The following PGAP1 variants were observed in gnomAD, a reference collection of about 807,000 sequenced individuals.
PGAP1 encodes post-GPI attachment to proteins inositol deacylase 1, also known as GPI inositol-deacylase.
In PGAP1, 76 loss-of-function variants were observed where a neutral mutation model predicts 127.0. That is an observed-to-expected ratio of 0.60 (90% CI 0.50 to 0.72). The LOEUF (loss-of-function observed/expected upper bound fraction) is 0.72, where lower values mean the gene tolerates loss of function less well. PGAP1 is among the 30% of genes least tolerant of loss of function. The probability of loss-of-function intolerance (pLI) is 0.00; values close to 1 mark genes in which losing one functional copy is unlikely to be tolerated. For missense variants in PGAP1, 982 were observed against 1,071.3 expected, an observed-to-expected ratio of 0.92 and a Z score of 1.16; for synonymous variants, 362 against 366.5, an observed-to-expected ratio of 0.99 and a Z score of 0.14.
At chr2:196,923,445 A>G (rs930720587) in intron 1 of PGAP1, among the ~76,000 whole-genome samples, 1 of 152,136 alleles carries the variant, frequency 6.6e-6, no homozygotes, top group Non-Finnish European at 1.5e-5. Context: ...TGAAATTATA[A>G]AACTCAGTAC....
chr2:196,898,074 C>A (rs1367997196), intron 6 of PGAP1, among the ~76,000 whole-genome samples: 1 of 151,994 alleles, frequency 6.6e-6, no homozygotes, highest in Non-Finnish European at 1.5e-5. Context: ...AAAAATTAGC[C>A]GGCATGATGG....
rs936980864 is a variant in PGAP1 at position 196,840,303 on chromosome 2, GT to G, written c.*930del. The stretch of plus-strand genomic sequence containing the variant: ...TTACCTTGATCATGTTGTTGTTGTT[GT>G]TTTTTCCCACAGCAGAAAAAATGGT... On this transcript the variant is annotated 3_prime_UTR_variant, in exon 27 of 27. Coordinates refer to ENST00000354764, the MANE Select transcript of PGAP1 (RefSeq NM_024989.4). The G allele has an allele frequency of 6.6e-6, 1 of 151,972 alleles. No individual in the cohort carries two copies. Among genetic ancestry groups the G allele is most frequent in the African/African-American group, 2.4e-5 (1 of 41,380 alleles). 9.4% of individuals were successfully genotyped at this position (151,972 alleles called of 1,614,324 possible).
chr2:196,858,656 T>C (rs1273924953), intron 20 of PGAP1, among the ~76,000 whole-genome samples: 4 of 150,934 alleles, frequency 2.7e-5, no homozygotes, highest in Non-Finnish European at 4.4e-5. Context: ...CCAAAATTAG[T>C]AGAAGGAATA....
intron 20 of PGAP1, among the ~76,000 whole-genome samples, chr2:196,849,875 C>A (rs753171952): frequency 6.6e-6 from 1 of 152,152 alleles, no homozygotes; most frequent in Non-Finnish European, 1.5e-5. Context: ...CTGCTATACT[C>A]CAGGGAAGGT....
At chr2:196,924,233 G>A (rs888181428) in intron 1 of PGAP1, among the ~76,000 whole-genome samples, 2 of 151,984 alleles carry the variant, frequency 1.3e-5, no homozygotes, top group Non-Finnish European at 1.5e-5. Flanking sequence ...TAAAGAAGAT[G>A]CAAATGAGCA....
At chr2:196,905,771 A>G (rs1224343979) in intron 4 of PGAP1, among the ~76,000 whole-genome samples, 1 of 144,594 alleles carries the variant, frequency 6.9e-6, no homozygotes, top group Non-Finnish European at 1.5e-5. Flanking sequence ...AAGCAGGGCG[A>G]GGCATTGCCT....
At chr2:196,876,287 A>G (rs1701567375) in intron 13 of PGAP1, among the ~76,000 whole-genome samples, 1 of 152,134 alleles carries the variant, frequency 6.6e-6, no homozygotes, top group African/African-American at 2.4e-5. Flanking sequence ...TAATTAGACT[A>G]TAAAAGCCTG....
intron 1 of PGAP1, among the ~76,000 whole-genome samples, chr2:196,925,697 A>G (rs1006931769): frequency 1.8e-4 from 28 of 152,140 alleles, no homozygotes; most frequent in African/African-American, 6.5e-4. Context: ...CAGCGAGAAA[A>G]CAAAAATAGC....
At chr2:196,897,275 GT>G in intron 6 of PGAP1, 78 bp from the exon 7 acceptor site, 1 of 836,896 alleles carries the variant, frequency 1.2e-6, no homozygotes, top group Non-Finnish European at 1.8e-6. Context: ...CAATTCTATT[GT>G]TTAGTGGAAC....
At chr2:196,880,941 T>A (rs1348867092) in intron 12 of PGAP1, among the ~76,000 whole-genome samples, 1 of 152,156 alleles carries the variant, frequency 6.6e-6, no homozygotes, top group Non-Finnish European at 1.5e-5. Flanking sequence ...TCATGGGGGT[T>A]TGTTGTACAG....
In PGAP1 at chr2:196,916,605, A is replaced by G. The variant is rs1350140809; in HGVS notation, c.302-12T>C. On this transcript the variant is annotated splice_polypyrimidine_tract_variant and intron_variant, in intron 2 of 26. Coordinates refer to ENST00000354764, the MANE Select transcript of PGAP1 (RefSeq NM_024989.4). ...GCCAATAGAACGAACTGCAGAGGAA[A>G]AGAGTGAAGTGCACATTAAACAATA... 1 of 1,591,658 alleles carries G rather than the reference A, an allele frequency of 6.3e-7. No individual in the cohort carries two copies. The highest frequency in any genetic ancestry group is 8.5e-7 in the Non-Finnish European group (1 of 1,170,792).
At chr2:196,915,539 T>A (rs754163256) in intron 3 of PGAP1, among the ~76,000 whole-genome samples, 1 of 152,212 alleles carries the variant, frequency 6.6e-6, no homozygotes, top group Non-Finnish European at 1.5e-5. Context: ...ATCTTTCCAG[T>A]TGTTTAGCCA....
chr2:196,866,415 C>T (rs1701244912), intron 19 of PGAP1, among the ~76,000 whole-genome samples: 1 of 152,092 alleles, frequency 6.6e-6, no homozygotes, highest in Admixed American at 6.5e-5. Context: ...AACTGGCTAG[C>T]CATATGCAGA....
At chr2:196,885,498 T>C in intron 11 of PGAP1, 23 bp from the exon 12 acceptor site, 1 of 1,521,398 alleles carries the variant, frequency 6.6e-7, no homozygotes, top group South Asian at 1.2e-5. Context: ...TATGAAAATA[T>C]AATTAAAGGA....
chr2:196,921,163 T>C (rs1391501924), intron 1 of PGAP1, among the ~76,000 whole-genome samples: 2 of 146,166 alleles, frequency 1.4e-5, no homozygotes, highest in African/African-American at 5.0e-5. Flanking sequence ...ATGTTGCTAA[T>C]GACTAATGAA....
At chr2:196,899,743 T>C (rs1231199208) in intron 5 of PGAP1, among the ~76,000 whole-genome samples, 2 of 152,242 alleles carry the variant, frequency 1.3e-5, no homozygotes, top group African/African-American at 2.4e-5. Context: ...TGCTTTAATA[T>C]GTGACTGAGA....
chr2:196,917,408 C>CT (rs1703050882), intron 2 of PGAP1, among the ~76,000 whole-genome samples: 1 of 152,086 alleles, frequency 6.6e-6, no homozygotes, highest in African/African-American at 2.4e-5. Context: ...TTCACCATCT[C>CT]TGGTATATAT....
chr2:196,885,661 A>G (rs1701876639), intron 11 of PGAP1, among the ~76,000 whole-genome samples, 173 bp downstream of exon 11: 1 of 152,182 alleles, frequency 6.6e-6, no homozygotes, highest in Non-Finnish European at 1.5e-5. Flanking sequence ...GCTAATTTCA[A>G]TGTTTGCAAA....
chr2:196,922,177 C>T, intron 1 of PGAP1: 1 of 1,298,856 alleles, frequency 7.7e-7, no homozygotes, highest in Non-Finnish European at 1.0e-6. Flanking sequence ...AGTTCAGGTT[C>T]TTCTCATCTC....
Sources: gnomAD v4.1 joint callset for allele counts (sites outside exome capture counted in the v4.1 genomes callset) on GRCh38, gnomAD v4.1.1 for gene constraint, MANE v1.5 for transcripts, NCBI Gene and HGNC (gene_info 2026-07-23, HGNC 2026-07-21) for gene names.